ARHGEF10: variants seen among roughly 807,000 people sequenced by gnomAD.
The protein encoded by ARHGEF10 is Rho guanine nucleotide exchange factor 10.
In ARHGEF10, 140 loss-of-function variants were observed where a neutral mutation model predicts 147.4. The observed-to-expected ratio is 0.95, with a 90% CI of 0.83 to 1.09. The LOEUF is 1.09. Ranked by LOEUF, ARHGEF10 falls within the 50% of genes least tolerant of loss-of-function variation. The pLI is 0.00. For missense variants in ARHGEF10, 2,222 were observed against 1,752.7 expected (o/e 1.27, Z -4.78); for synonymous variants, 902 against 695.8 (o/e 1.30, Z -4.67).
chr8:1,893,751 C>A, intron 12 of ARHGEF10, 105 bp downstream of exon 12: 3 of 986,414 alleles, frequency 3.0e-6, no homozygotes, highest in Non-Finnish European at 4.7e-6. Context: ...TGAAACATAA[C>A]ATGCAAATTT....
rs1323149889 is a variant in ARHGEF10, at chr8:1,929,300, A to G, written c.2936A>G (p.Lys979Arg). Residue 979 changes from lysine to arginine, a missense_variant, in exon 25 of 29, where the codon AAA becomes AGA. Lys to Arg is a conservative substitution (Grantham distance 26). Transcript: ENST00000349830. Reference protein sequence around the residue: ...GTEEGSISIYKSSQGSKKVRL... With the variant: ...GTEEGSISIYRSSQGSKKVRL... The stretch of plus-strand genomic sequence containing the variant: ...TTCTCTTAAAGCATTTCCATTTATA[A>G]AAGCAGTCAAGGCTCCAAGAAAGTG... 2 of 1,614,042 alleles carry G rather than the reference A, an allele frequency of 1.2e-6. No individual in the cohort carries two copies. The highest frequency in any genetic ancestry group is 1.3e-5 in the African/African-American group (1 of 74,932).
chr8:1,845,975 A>C (rs544038230), intron 2 of ARHGEF10, among the ~76,000 whole-genome samples: 1 of 152,194 alleles, frequency 6.6e-6, no homozygotes, highest in Non-Finnish European at 1.5e-5. Context: ...AGAGTATGAC[A>C]GGTCCACGCC....
intron 1 of ARHGEF10, among the ~76,000 whole-genome samples, chr8:1,835,043 G>A (rs1316624777): frequency 6.6e-6 from 1 of 152,228 alleles, no homozygotes; most frequent in African/African-American, 2.4e-5. Context: ...GCTCGGTCGG[G>A]GAGTGCTGGG....
intron 2 of ARHGEF10, among the ~76,000 whole-genome samples, chr8:1,848,985 A>G (rs567660778): frequency 3.4e-4 from 52 of 152,222 alleles, no homozygotes; most frequent in African/African-American, 1.2e-3. Flanking sequence ...AGTACCGTTT[A>G]CCTATTTAAC....
intron 2 of ARHGEF10, among the ~76,000 whole-genome samples, chr8:1,844,516 G>C (rs1416992188): frequency 1.3e-5 from 2 of 152,092 alleles, no homozygotes; most frequent in African/African-American, 4.8e-5. Context: ...GGCCAGAAGG[G>C]ATGCCCACTC....
chr8:1,841,322 C>T (rs559601064), intron 1 of ARHGEF10, among the ~76,000 whole-genome samples: 2 of 152,242 alleles, frequency 1.3e-5, no homozygotes, highest in African/African-American at 2.4e-5. Context: ...GCCCAGGAGC[C>T]TGGATTCAGG....
chr8:1,841,714 G>A (rs1025358545), intron 1 of ARHGEF10, among the ~76,000 whole-genome samples: 1 of 152,108 alleles, frequency 6.6e-6, no homozygotes, highest in African/African-American at 2.4e-5. Context: ...CGTGTTAACA[G>A]ATGAGACAAT....
intron 18 of ARHGEF10, among the ~76,000 whole-genome samples, chr8:1,918,378 C>A (rs1032555567): frequency 6.6e-6 from 1 of 151,800 alleles, no homozygotes; most frequent in Non-Finnish European, 1.5e-5. Flanking sequence ...CGAGGAACTC[C>A]TCCTCATCTC....
At chr8:1,913,675 G>A (rs1046886241) in intron 18 of ARHGEF10, among the ~76,000 whole-genome samples, 7 of 152,190 alleles carry the variant, frequency 4.6e-5, no homozygotes, top group African/African-American at 1.4e-4. Flanking sequence ...CCAGAAGGCC[G>A]CTGCCTCCCT....
At chr8:1,831,933 C>T (rs550564758) in intron 1 of ARHGEF10, among the ~76,000 whole-genome samples, 6 of 152,140 alleles carry the variant, frequency 3.9e-5, no homozygotes, top group Non-Finnish European at 8.8e-5. Context: ...GCTCCCTTCC[C>T]GCAGCTGCCT....
At chr8:1,926,590 TAG>T (rs1812713767) in intron 23 of ARHGEF10, 127 bp downstream of exon 23, 1 of 850,104 alleles carries the variant, frequency 1.2e-6, no homozygotes. Context: ...AGAGTGTACT[TAG>T]AAACATGAAA....
intron 2 of ARHGEF10, among the ~76,000 whole-genome samples, chr8:1,850,033 CAG>C (rs1216325800): frequency 1.1e-5 from 1 of 87,132 alleles, no homozygotes; most frequent in African/African-American, 4.4e-5. Flanking sequence ...TGCATGGACA[CAG>C]AGGGCAAATG....
intron 28 of ARHGEF10, 33 bp downstream of exon 28, chr8:1,952,860 C>T (rs1198838437): frequency 3.1e-6 from 5 of 1,613,340 alleles, no homozygotes; most frequent in African/African-American, 1.3e-5. Flanking sequence ...GTGGCTGCAT[C>T]CTGTCTTGCA....
chr8:1,829,763 G>C (rs1235066492), intron 1 of ARHGEF10, among the ~76,000 whole-genome samples: 3 of 152,172 alleles, frequency 2.0e-5, no homozygotes, highest in African/African-American at 7.2e-5. Context: ...AGCGCTGCAC[G>C]GCGGCGCAGC....
intron 26 of ARHGEF10, among the ~76,000 whole-genome samples, chr8:1,942,367 T>C (rs7386016): frequency 0.9 from 135,834 of 151,438 alleles, 61,084 homozygotes; most frequent in East Asian, 1. Flanking sequence ...TGGTCAGCAT[T>C]GTTGCTTGTT....
intron 25 of ARHGEF10, among the ~76,000 whole-genome samples, chr8:1,932,239 A>G (rs2129232721): frequency 6.8e-6 from 1 of 146,916 alleles, no homozygotes; most frequent in Non-Finnish European, 1.5e-5. Context: ...GGGAAGGCCC[A>G]TGCACATGTG....
At position 1,885,634 on chromosome 8, in the gene ARHGEF10, T is replaced by C; in HGVS notation, c.1109T>C (p.Leu370Ser). ...HRSSLEEEQN[L>S]FIDVDCKHPE... ...TCTTCTCTTGAGGAAGAACAGAATT[T>C]GTTCATTGATGTTGACTGCAAGCAC... The change falls in exon 11 of 29, where the codon TTG becomes TCG. Residue 370 changes from leucine to serine, a missense_variant. Leu to Ser is a moderately radical substitution (Grantham distance 145, BLOSUM62 -2). Coordinates refer to ENST00000349830, the MANE Select transcript of ARHGEF10 (RefSeq NM_014629.4). The C allele has an allele frequency of 6.2e-7, 1 of 1,613,976 alleles. No individual in the cohort carries two copies. Among genetic ancestry groups the C allele is most frequent in the Non-Finnish European group, 8.5e-7 (1 of 1,179,968 alleles).
chr8:1,853,945 A>G (rs984677586), intron 2 of ARHGEF10, among the ~76,000 whole-genome samples: 7 of 152,136 alleles, frequency 4.6e-5, no homozygotes, highest in Non-Finnish European at 7.4e-5. Context: ...AACCAATTGC[A>G]CCTGCAGTCA....
chr8:1,841,431 C>T (rs1804024272), intron 1 of ARHGEF10, among the ~76,000 whole-genome samples: 1 of 152,142 alleles, frequency 6.6e-6, no homozygotes, highest in African/African-American at 2.4e-5. Context: ...GTCAGGAATT[C>T]TCATTAGTTT....
Sources: gnomAD v4.1 joint callset for allele counts (sites outside exome capture counted in the v4.1 genomes callset) on GRCh38, gnomAD v4.1.1 for gene constraint, MANE v1.5 for transcripts, NCBI Gene and HGNC (gene_info 2026-07-23, HGNC 2026-07-21) for gene names.